The following SLC22A15 variants were observed in gnomAD, a reference collection of about 807,000 sequenced individuals.
SLC22A15 encodes the protein solute carrier family 22 member 15.
A neutral mutation model predicts 62.7 loss-of-function variants in SLC22A15; 45 were observed. The observed-to-expected ratio is 0.72, with a 90% CI of 0.56 to 0.92. The LOEUF (loss-of-function observed/expected upper bound fraction) is 0.92. Ranked by LOEUF, SLC22A15 falls within the 40% of genes least tolerant of loss-of-function variation. The pLI is 0.00. For missense variants in SLC22A15, 622 were observed against 665.6 expected, an observed-to-expected ratio of 0.93 and a Z score of 0.72; for synonymous variants, 264 against 267.0, an observed-to-expected ratio of 0.99 and a Z score of 0.11.
Position 116,069,061 on chromosome 1 carries a change from T to C in SLC22A15, c.*1953T>C, listed in dbSNP as rs1658558429. ...AAGACTAATTGGGAGTCCATCTCTC[T>C]ATTGGCACTGGGTTCGATTGCCTCT... On this transcript the variant is annotated 3_prime_UTR_variant, in exon 12 of 12. Coordinates refer to ENST00000369503, the MANE Select transcript of SLC22A15 (RefSeq NM_018420.3). 1 of 152,238 alleles carries C rather than the reference T, an allele frequency of 6.6e-6. No individual in the cohort carries two copies. The highest frequency in any genetic ancestry group is 6.5e-5 in the Admixed American group (1 of 15,282). 9.4% of individuals were successfully genotyped at this position (152,238 alleles called of 1,614,324 possible). A position where few individuals can be genotyped will look rare whatever the true frequency, so the allele number is the denominator to read the frequency against.
At chr1:116,019,808 C>T (rs766912060) in intron 3 of SLC22A15, 94 bp downstream of exon 3, 17 of 1,342,212 alleles carry the variant, frequency 1.3e-5, no homozygotes, top group Admixed American at 2.7e-5. Flanking sequence ...TTAAGGTTCT[C>T]CGGGAATTGG....
chr1:116,055,582 G>A (rs1241153669), intron 8 of SLC22A15, among the ~76,000 whole-genome samples: 3 of 148,742 alleles, frequency 2.0e-5, no homozygotes, highest in Non-Finnish European at 3.0e-5. Context: ...TGATACCAAA[G>A]CCGGGCAGAG....
intron 8 of SLC22A15, 76 bp downstream of exon 8, chr1:116,037,464 A>G: frequency 9.5e-7 from 1 of 1,050,652 alleles, no homozygotes; most frequent in Non-Finnish European, 1.5e-6. Context: ...TGGAGAGATG[A>G]CCATATGGCA....
chr1:116,014,564 T>G (rs894158435), intron 2 of SLC22A15, among the ~76,000 whole-genome samples: 1 of 152,186 alleles, frequency 6.6e-6, no homozygotes, highest in Non-Finnish European at 1.5e-5. Flanking sequence ...GAAAAGTAGA[T>G]TTCCTGCTTT....
At chr1:116,049,826 G>C (rs574206695) in intron 8 of SLC22A15, among the ~76,000 whole-genome samples, 1 of 152,060 alleles carries the variant, frequency 6.6e-6, no homozygotes, top group East Asian at 1.9e-4. Context: ...TCTTTGAAAA[G>C]ATAAATATAA....
At chr1:116,054,390 C>A (rs1291975967) in intron 8 of SLC22A15, among the ~76,000 whole-genome samples, 1 of 151,694 alleles carries the variant, frequency 6.6e-6, no homozygotes, top group Non-Finnish European at 1.5e-5. Flanking sequence ...TACAGGAGCA[C>A]CCAGATTCAT....
chr1:116,015,953 G>A (rs889066259), intron 2 of SLC22A15, among the ~76,000 whole-genome samples: 4 of 151,978 alleles, frequency 2.6e-5, no homozygotes, highest in Non-Finnish European at 5.9e-5. Flanking sequence ...TTCCTCATGA[G>A]TCAAAAATCC....
In SLC22A15 at chr1:116,042,942, T is replaced by C. The variant is rs377438395; in HGVS notation, c.1171+5554T>C. On this transcript the variant is annotated intron_variant, in intron 8 of 11. Transcript: ENST00000369503. The stretch of plus-strand genomic sequence containing the variant: ...GCCATAAAACAAGTTTCAATAAGTT[T>C]AGAAGAATTGAAAATTTACAAAAAC... 2.6e-5 allele frequency among the ~76,000 whole-genome samples: 4 copies of C among 152,298 alleles called. No homozygotes were observed. The East Asian group carries it at 5.8e-4, about 22-fold the overall frequency.
intron 5 of SLC22A15, 86 bp downstream of exon 5, chr1:116,027,108 C>G (rs554578294): frequency 1.8e-5 from 24 of 1,326,252 alleles, no homozygotes; most frequent in Middle Eastern, 1.9e-4. Flanking sequence ...AGCATTATTC[C>G]CTTTCAGGAG....
chr1:116,008,734 A>C (rs1656105732), intron 2 of SLC22A15, among the ~76,000 whole-genome samples: 1 of 152,238 alleles, frequency 6.6e-6, no homozygotes, highest in South Asian at 2.1e-4. Flanking sequence ...CTGCTAATTA[A>C]AAAGGGAAGA....
intron 6 of SLC22A15, 143 bp downstream of exon 6, chr1:116,031,724 TCCTTAGCG>T: frequency 1.4e-6 from 2 of 1,452,678 alleles, no homozygotes; most frequent in Non-Finnish European, 1.8e-6. Context: ...AGTCTCCTGA[TCCTTAGCG>T]CCTGGTTTTC....
At chr1:115,999,887 C>T (rs1370820701) in intron 2 of SLC22A15, among the ~76,000 whole-genome samples, 1 of 152,092 alleles carries the variant, frequency 6.6e-6, no homozygotes, top group Non-Finnish European at 1.5e-5. Context: ...AAATTTTTGT[C>T]TTGAAATCTA....
intron 2 of SLC22A15, among the ~76,000 whole-genome samples, chr1:116,010,278 G>C (rs574258431): frequency 4.5e-4 from 68 of 152,268 alleles, no homozygotes; most frequent in South Asian, 1.7e-3. Flanking sequence ...TATCACTGTG[G>C]ATATTGAAGA....
intron 8 of SLC22A15, among the ~76,000 whole-genome samples, chr1:116,042,111 A>C (rs200235481): frequency 7.4e-6 from 1 of 135,996 alleles, no homozygotes; most frequent in Non-Finnish European, 1.6e-5. Context: ...AAAAAAAAAA[A>C]CATTGAGTGT....
chr1:116,067,126 C>G lies in SLC22A15; in HGVS notation c.*18C>G. 1 of 1,596,312 alleles carries G rather than the reference C, an allele frequency of 6.3e-7. No homozygotes were observed. The highest frequency in any genetic ancestry group is 2.2e-5 in the East Asian group (1 of 44,588). On this transcript the variant is annotated 3_prime_UTR_variant, in exon 12 of 12. Transcript: ENST00000369503. ...TCAAGTGAAGAGCCCCAGATTCCCC[C>G]TAAGAAGCAAAGGATCGTCTTTTAT... is the stretch of plus-strand genomic sequence containing the variant.
At chr1:116,006,080 G>A (rs1655965139) in intron 2 of SLC22A15, among the ~76,000 whole-genome samples, 1 of 152,176 alleles carries the variant, frequency 6.6e-6, no homozygotes, top group Non-Finnish European at 1.5e-5. Context: ...TGGTACCAGG[G>A]TGACAGCTTG....
intron 2 of SLC22A15, among the ~76,000 whole-genome samples, chr1:116,002,296 G>T (rs914833830): frequency 2.0e-5 from 3 of 152,202 alleles, no homozygotes; most frequent in Non-Finnish European, 4.4e-5. Flanking sequence ...CACACATGAA[G>T]TTGGCATAGT....
At chr1:115,988,141 C>G (rs1174479919) in intron 1 of SLC22A15, among the ~76,000 whole-genome samples, 15 of 152,082 alleles carry the variant, frequency 9.9e-5, no homozygotes, top group Non-Finnish European at 5.9e-5. Context: ...GTTCTCCTTC[C>G]CTAGAGGTAG....
chr1:115,995,631 C>A (rs1655383865), intron 2 of SLC22A15, among the ~76,000 whole-genome samples: 1 of 152,202 alleles, frequency 6.6e-6, no homozygotes, highest in Non-Finnish European at 1.5e-5. Context: ...AGAGCCCTTT[C>A]TCTCCCTTGT....
Sources: allele counts gnomAD v4.1 joint callset (sites outside exome capture counted in the v4.1 genomes callset), GRCh38; gene constraint gnomAD v4.1.1; transcripts MANE v1.5; gene names NCBI Gene and HGNC (gene_info 2026-07-23, HGNC 2026-07-21).